CROCC2: variants seen among roughly 807,000 people sequenced by gnomAD.
CROCC2 encodes the protein ciliary rootlet coiled-coil, rootletin family member 2.
CROCC2 carries 163 observed loss-of-function variants against 177.6 expected under a neutral mutation model. The observed-to-expected ratio is 0.92, with a 90% CI of 0.81 to 1.05. The LOEUF (loss-of-function observed/expected upper bound fraction) is 1.05, where lower values mean the gene tolerates loss of function less well. Ranked by LOEUF, CROCC2 falls within the 50% of genes least tolerant of loss-of-function variation. The pLI is 0.00. For missense variants in CROCC2, 1,929 were observed against 1,797.8 expected (o/e 1.07, Z -1.32); for synonymous variants, 904 against 787.3 (o/e 1.15, Z -2.48).
chr2:240,937,017 G>A (rs2059475345), intron 14 of CROCC2, among the ~76,000 whole-genome samples: 1 of 152,220 alleles, frequency 6.6e-6, no homozygotes, highest in Non-Finnish European at 1.5e-5. Context: ...GACCAAAACT[G>A]TGCACTCACT....
Position 240,932,759 on chromosome 2 carries a change from G to A in CROCC2, c.1102G>A (p.Gly368Arg), listed in dbSNP as rs1349569386. ...ELAGSSITEL[G>R]EPRRPLRSPQ... ...GGCAGGTAGCAGCATCACTGAATTGGGGGAGCCACGGCGCCCACTGAGGAG... is the reference window on the plus strand; with the variant it reads ...GGCAGGTAGCAGCATCACTGAATTGAGGGAGCCACGGCGCCCACTGAGGAG... The change falls in exon 9 of 32, where the codon GGG becomes AGG. Residue 368 changes from glycine to arginine, a missense_variant. Around this residue, in one of 3 missense-constraint regions of CROCC2, gnomAD observed 1,397 missense variants for 1,239.9 expected, o/e 1.13. Coordinates refer to ENST00000690015, the MANE Select transcript of CROCC2 (RefSeq NM_001351305.2). The A allele has an allele frequency of 8.7e-7, 1 of 1,149,070 alleles. No homozygotes were observed. Among genetic ancestry groups the A allele is most frequent in the Non-Finnish European group, 1.3e-6 (1 of 780,974 alleles). 71.2% of individuals were successfully genotyped at this position (1,149,070 alleles called of 1,614,324 possible).
At chr2:240,909,275 GCTCTACCTCCTCCACCTCGGGTGAC>G (rs1559585658) in intron 1 of CROCC2, among the ~76,000 whole-genome samples, 2 of 119,208 alleles carry the variant, frequency 1.7e-5, no homozygotes, top group South Asian at 5.6e-4. Context: ...CCTCGGGTGA[GCTCTACCTCCTCCACCTCGGGTGAC>G]CTCTACCTCC....
chr2:240,948,162 C>CT (rs368092663), intron 15 of CROCC2, among the ~76,000 whole-genome samples: 69 of 152,248 alleles, frequency 4.5e-4, no homozygotes, highest in African/African-American at 1.6e-3. Context: ...ATGAGGAACA[C>CT]TTACGGGAGG....
chr2:240,984,533 ACACACCCAGGCAC>A (rs2059822768), intron 28 of CROCC2, among the ~76,000 whole-genome samples: 3 of 114,180 alleles, frequency 2.6e-5, no homozygotes, highest in East Asian at 5.2e-4. Context: ...AGCATTCCAC[ACACACCCAGGCAC>A]TCACTCCACA....
intron 11 of CROCC2, 67 bp downstream of exon 11, chr2:240,933,919 C>A: frequency 4.1e-6 from 6 of 1,479,414 alleles, no homozygotes; most frequent in Non-Finnish European, 5.4e-6. Flanking sequence ...CCACCATCAG[C>A]CACTTGGCCT....
At chr2:240,988,505 G>A (rs1229146118) in intron 28 of CROCC2, among the ~76,000 whole-genome samples, 1 of 152,198 alleles carries the variant, frequency 6.6e-6, no homozygotes, top group East Asian at 1.9e-4. Flanking sequence ...CTCTGTAGCT[G>A]GATGGGGACT....
rs746495800 is a variant in CROCC2, at chr2:240,960,737, C to T, written c.3087+1293C>T. On this transcript the variant is annotated intron_variant, in intron 20 of 31. Transcript: ENST00000690015. This position sits in a 1 kb window ranked among gnomAD's most constrained non-coding sequence, Gnocchi z 5.0. The stretch of plus-strand genomic sequence containing the variant: ...CGGCAGGGGAGAGTGAGAAGAGGGG[C>T]TCAGCCCTCCCCAAGCACCCCCGAG... Among the ~76,000 whole-genome samples, 20 of 151,982 alleles carry T rather than the reference C, an allele frequency of 1.3e-4. No homozygotes were observed. The highest frequency in any genetic ancestry group is 2.5e-4 in the Non-Finnish European group (17 of 67,974).
intron 1 of CROCC2, among the ~76,000 whole-genome samples, chr2:240,909,969 T>C (rs1220063078): frequency 6.6e-6 from 1 of 152,144 alleles, no homozygotes; most frequent in Non-Finnish European, 1.5e-5. Context: ...GTGGTGGCTC[T>C]GGACGGATGG....
chr2:240,947,822 C>T (rs549301604), intron 15 of CROCC2, among the ~76,000 whole-genome samples: 2 of 152,214 alleles, frequency 1.3e-5, no homozygotes, highest in Non-Finnish European at 2.9e-5. Flanking sequence ...CCAAGGTCCC[C>T]GCCAGCCCAC....
At chr2:240,957,809 C>T (rs1044147784) in intron 19 of CROCC2, 4 of 215,450 alleles carry the variant, frequency 1.9e-5, no homozygotes, top group African/African-American at 4.7e-5. Context: ...TTCCACGGGG[C>T]CCAGGAGGAC....
intron 28 of CROCC2, among the ~76,000 whole-genome samples, chr2:240,984,575 CCACACACACCCAGGCACTCACTCCA>C (rs1559192220): frequency 1.9e-5 from 1 of 53,482 alleles, no homozygotes; most frequent in Non-Finnish European, 3.5e-5. Context: ...GGCACTCACT[CCACACACACCCAGGCACTCACTCCA>C]CACACACCCA....
intron 3 of CROCC2, among the ~76,000 whole-genome samples, chr2:240,921,865 C>T (rs1240277784): frequency 6.6e-6 from 1 of 152,138 alleles, no homozygotes; most frequent in African/African-American, 2.4e-5. Context: ...TCCCCTCCAC[C>T]CCTCCACCTA....
Position 240,935,444 on chromosome 2 carries a change from G to T in CROCC2, c.2025G>T (p.Ala675=), listed in dbSNP as rs372103663. The change falls in exon 14 of 32, where the codon GCG becomes GCT. Residue 675 remains alanine (A), a synonymous_variant. Coordinates refer to ENST00000690015, the MANE Select transcript of CROCC2 (RefSeq NM_001351305.2). The part of the protein sequence containing the change: ...RARAGEQLAQ[A]EQQLALERAE... The stretch of plus-strand genomic sequence containing the variant: ...GGGCCGGGGAGCAGCTGGCACAGGC[G>T]GAGCAGCAGCTGGCGCTGGAGCGGG... 6 of 1,367,666 alleles carry T rather than the reference G, an allele frequency of 4.4e-6. No homozygotes were observed. The African/African-American group carries it at 9.1e-5, about 21-fold the overall frequency. 84.7% of individuals were successfully genotyped at this position (1,367,666 alleles called of 1,614,324 possible).
At chr2:240,950,102 G>A (rs2059544688) in intron 17 of CROCC2, among the ~76,000 whole-genome samples, 1 of 152,164 alleles carries the variant, frequency 6.6e-6, no homozygotes, top group South Asian at 2.1e-4. Context: ...ACTCAGGAAT[G>A]GTTTACAAAC....
chr2:240,975,213 G>C (rs1439806464), intron 27 of CROCC2, among the ~76,000 whole-genome samples: 3 of 152,258 alleles, frequency 2.0e-5, no homozygotes, highest in Non-Finnish European at 2.9e-5. Flanking sequence ...AAGCAGGAGA[G>C]GCTGGTAGAA....
At chr2:240,992,710 CA>C (rs2059888255) in intron 31 of CROCC2, among the ~76,000 whole-genome samples, 1 of 152,244 alleles carries the variant, frequency 6.6e-6, no homozygotes, top group African/African-American at 2.4e-5. Context: ...CATGGCCAGT[CA>C]GGGGTGGAGG....
chr2:240,991,010 C>T (rs2059875936), intron 30 of CROCC2, among the ~76,000 whole-genome samples, 186 bp from the exon 31 acceptor site: 1 of 152,272 alleles, frequency 6.6e-6, no homozygotes, highest in South Asian at 2.1e-4. Context: ...GCGCATCCCT[C>T]TCTGGCAGCA....
intron 3 of CROCC2, among the ~76,000 whole-genome samples, chr2:240,921,071 C>G (rs571568517): frequency 1.3e-5 from 2 of 152,348 alleles, no homozygotes; most frequent in East Asian, 3.9e-4. Flanking sequence ...ACCACCATTA[C>G]TGGGGCTGAG....
At position 240,922,660 on chromosome 2, in the gene CROCC2, G is replaced by A. The variant is rs907479007; in HGVS notation, c.488+15G>A. ...GCCGAGGAGAGGTGAGGCCAGGTGC[G>A]GGGCAGTCAGGGCTGCAGGAAGCAC... On this transcript the variant is annotated intron_variant, in intron 4 of 31. Coordinates refer to ENST00000690015, the MANE Select transcript of CROCC2 (RefSeq NM_001351305.2). 8 of 594,522 alleles carry A rather than the reference G, an allele frequency of 1.3e-5. No individual in the cohort carries two copies. The highest frequency in any genetic ancestry group is 7.6e-5 in the South Asian group (4 of 52,512). The allele number at this position is 594,522 out of a possible 1,614,324, so 36.8% of individuals were successfully genotyped here.
Sources: allele counts gnomAD v4.1 joint callset (sites outside exome capture counted in the v4.1 genomes callset), GRCh38; gene constraint gnomAD v4.1.1; regional missense constraint gnomAD v4.1.1; non-coding constraint Gnocchi (gnomAD v3.1); transcripts MANE v1.5; gene names NCBI Gene and HGNC (gene_info 2026-07-23, HGNC 2026-07-21).